The following DST variants were observed in gnomAD, a reference collection of about 807,000 sequenced individuals.
DST encodes dystonin.
In DST, 253 loss-of-function variants were observed where a neutral mutation model predicts 875.2. That is an observed-to-expected ratio of 0.29 (90% CI 0.26 to 0.32). DST has a LOEUF of 0.32. DST is among the 10% of genes least tolerant of loss of function. The pLI, the probability that DST is intolerant of heterozygous loss-of-function variation, is 1.00. For synonymous variants in DST, 3,124 were observed against 3,197.1 expected, an observed-to-expected ratio of 0.98 and a Z score of 0.77; for missense variants, 8,287 against 9,111.6, an observed-to-expected ratio of 0.91 and a Z score of 3.68.
intron 47 of DST, 114 bp downstream of exon 47, chr6:56,597,626 G>A: frequency 1.8e-6 from 2 of 1,107,252 alleles, no homozygotes; most frequent in Non-Finnish European, 1.3e-6. Flanking sequence ...GATGAACACA[G>A]AAAAAAACCT....
rs764106619 is a variant in DST, at chr6:56,573,904, A to C, written c.13028-17T>G. On this transcript the variant is annotated splice_polypyrimidine_tract_variant and intron_variant, in intron 50 of 103. Coordinates refer to ENST00000680361, the MANE Select transcript of DST (RefSeq NM_001374736.1). The stretch of plus-strand genomic sequence containing the variant: ...CAATGTCATCTACTCCAAACAGATC[A>C]GGAATATTAACCACAAAGTTCTCTT... 1.0e-5 allele frequency: 16 copies of C among 1,583,646 alleles called. No individual in the cohort carries two copies. The Admixed American group carries it at 2.6e-4, about 25-fold the overall frequency.
intron 10 of DST, among the ~76,000 whole-genome samples, chr6:56,653,196 T>C (rs984159069): frequency 2.6e-5 from 4 of 152,122 alleles, no homozygotes; most frequent in African/African-American, 4.8e-5. Context: ...GAATAAAACA[T>C]AAAACTTCCT....
At position 56,572,939 on chromosome 6, in the gene DST, C is replaced by T. The variant is rs770142467; in HGVS notation, c.13362G>A (p.Leu4454=). ...ASSLQAKMKD[L]SARFSEASHK... ...GACTTGCTTCTGAAAACCGAGCAGA[C>T]AAGTCTTTCATTTTGGCTTGCAGTG... Residue 4454 remains leucine, a synonymous_variant, in exon 52 of 104, where the codon TTG becomes TTA. Coordinates refer to ENST00000680361, the MANE Select transcript of DST (RefSeq NM_001374736.1). The T allele has an allele frequency of 1.2e-6, 2 of 1,612,968 alleles. No individual in the cohort carries two copies. Among genetic ancestry groups the T allele is most frequent in the South Asian group, 1.1e-5 (1 of 90,946 alleles).
chr6:56,486,480 A>C (rs1294340214), intron 87 of DST, among the ~76,000 whole-genome samples: 1 of 152,152 alleles, frequency 6.6e-6, no homozygotes, highest in Non-Finnish European at 1.5e-5. Flanking sequence ...AAAAATCATT[A>C]AGATTAAGGA....
At chr6:56,663,103 A>C (rs2099053568) in intron 10 of DST, among the ~76,000 whole-genome samples, 1 of 152,232 alleles carries the variant, frequency 6.6e-6, no homozygotes, top group African/African-American at 2.4e-5. Flanking sequence ...TTTCCTCCAA[A>C]TATTACATGC....
chr6:56,747,660 T>C (rs554886879), intron 4 of DST, among the ~76,000 whole-genome samples: 41 of 152,318 alleles, frequency 2.7e-4, no homozygotes, highest in Non-Finnish European at 5.6e-4. Context: ...GAAATTAGAC[T>C]TTTTTAAAAG....
intron 2 of DST, among the ~76,000 whole-genome samples, chr6:56,903,898 A>T (rs981189451): frequency 2.0e-5 from 3 of 152,232 alleles, no homozygotes; most frequent in Admixed American, 2.0e-4. Context: ...TAAAATAACT[A>T]TTTATAAGCA....
At chr6:56,821,262 C>A (rs923850203) in intron 4 of DST, among the ~76,000 whole-genome samples, 3 of 152,114 alleles carry the variant, frequency 2.0e-5, no homozygotes, top group Non-Finnish European at 4.4e-5. Flanking sequence ...GGATCTAGTG[C>A]AATACATGGC....
At position 56,497,391 on chromosome 6, in the gene DST, A is replaced by T; in HGVS notation, c.20211T>A (p.Leu6737=). 6.2e-7 allele frequency: 1 copy of T among 1,613,014 alleles called. No individual in the cohort carries two copies. The highest frequency in any genetic ancestry group is 1.7e-5 in the Admixed American group (1 of 59,908). The change falls in exon 82 of 104, where the codon CTT becomes CTA. Residue 6737 remains leucine, a synonymous_variant. Transcript: ENST00000680361. The stretch of plus-strand genomic sequence containing the variant: ...ATACTTTGCTTACCATATGGACATT[A>T]AGCTGCTCCTTGGCTGTTTCCGGTA... ...GGLPETAKEQ[L]NVHMEVCAAF... is the part of the protein sequence containing the mutation.
At chr6:56,691,001 C>T (rs1387106216) in intron 9 of DST, among the ~76,000 whole-genome samples, 1 of 152,188 alleles carries the variant, frequency 6.6e-6, no homozygotes, top group African/African-American at 2.4e-5. Flanking sequence ...TAGAAGACGT[C>T]AGGCTTTATA....
chr6:56,605,151 C>T lies in DST; in HGVS notation c.9477G>A (p.Ser3159=), dbSNP rs2098483238. Residue 3159 remains serine (S), a synonymous_variant, in exon 40 of 104, where the codon TCG becomes TCA. Transcript: ENST00000680361. ...ISDDITSDIT[S]WEGNTHFEES... Reference sequence around the variant, plus strand: ...CCTCAAAATGTGTATTCCCTTCCCACGATGTAATGTCTGAAGTAATGTCAT... The same window carrying T: ...CCTCAAAATGTGTATTCCCTTCCCATGATGTAATGTCTGAAGTAATGTCAT... The T allele has an allele frequency of 3.1e-6, 5 of 1,612,278 alleles. No individual in the cohort carries two copies. The highest frequency in any genetic ancestry group is 2.2e-5 in the East Asian group (1 of 44,798).
chr6:56,582,155 C>CA (rs2098015741), intron 49 of DST, among the ~76,000 whole-genome samples: 1 of 152,112 alleles, frequency 6.6e-6, no homozygotes, highest in Non-Finnish European at 1.5e-5. Context: ...AATATAGCTC[C>CA]TAATGTGTTC....
At chr6:56,525,771 C>G (rs1416565204) in intron 69 of DST, among the ~76,000 whole-genome samples, 2 of 152,214 alleles carry the variant, frequency 1.3e-5, no homozygotes, top group African/African-American at 2.4e-5. Flanking sequence ...TGCCCACAGT[C>G]TTCCCAGGGA....
rs146201361 is a variant in DST, at chr6:56,946,049, C to T, written c.216+7736G>A. On this transcript the variant is annotated intron_variant, in intron 2 of 103. Transcript: ENST00000680361. ...ACTTAAATGGGTGAACTGTATGGTA[C>T]GTAAATTATATCTCAATAAAGCTGT... 3.8e-3 allele frequency among the ~76,000 whole-genome samples: 581 copies of T among 152,134 alleles called. 1 individual carries two copies. The highest frequency in any genetic ancestry group is 5.5e-3 in the Non-Finnish European group (377 of 68,000).
At chr6:56,596,768 T>A (rs1212298674) in intron 47 of DST, among the ~76,000 whole-genome samples, 1 of 152,116 alleles carries the variant, frequency 6.6e-6, no homozygotes, top group African/African-American at 2.4e-5. Context: ...AAAAGCCAAA[T>A]ATTGAAATAA....
intron 97 of DST, among the ~76,000 whole-genome samples, chr6:56,469,638 T>A (rs1036391855): frequency 6.6e-6 from 1 of 152,176 alleles, no homozygotes; most frequent in African/African-American, 2.4e-5. Context: ...AGTATTTTCT[T>A]GTGAATTTTT....
At chr6:56,710,844 A>T (rs561229742) in intron 5 of DST, among the ~76,000 whole-genome samples, 3 of 152,324 alleles carry the variant, frequency 2.0e-5, no homozygotes, top group African/African-American at 4.8e-5. Context: ...TCAAACAGGG[A>T]AATATCCTTA....
intron 2 of DST, among the ~76,000 whole-genome samples, chr6:56,942,390 G>A (rs887255038): frequency 2.6e-5 from 4 of 151,896 alleles, no homozygotes; most frequent in South Asian, 2.1e-4. Context: ...CTGGTTTTTC[G>A]TTCCTGTGTT....
chr6:56,485,280 A>G, intron 88 of DST, 32 bp downstream of exon 88: 1 of 1,611,752 alleles, frequency 6.2e-7, no homozygotes, highest in South Asian at 1.1e-5. Flanking sequence ...ATAATCAAAC[A>G]AGATAAAATA....
Sources: gnomAD v4.1 joint callset for allele counts (sites outside exome capture counted in the v4.1 genomes callset) on GRCh38, gnomAD v4.1.1 for gene constraint, MANE v1.5 for transcripts, NCBI Gene and HGNC (gene_info 2026-07-23, HGNC 2026-07-21) for gene names.